MAB21L4: variants seen among roughly 807,000 people sequenced by gnomAD.
MAB21L4 encodes the protein protein mab-21-like 4.
A neutral mutation model predicts 32.4 loss-of-function variants in MAB21L4; 25 were observed. That is an observed-to-expected ratio of 0.77 (90% CI 0.56 to 1.08). The LOEUF is 1.08. Among genes scored for constraint, MAB21L4 ranks in the 50% least tolerant of loss-of-function variants. The pLI, the probability that MAB21L4 is intolerant of heterozygous loss-of-function variation, is 0.00. For missense variants in MAB21L4, 638 were observed against 611.0 expected (o/e 1.04, Z -0.47); for synonymous variants, 280 against 276.8 (o/e 1.01, Z -0.11).
intron 2 of MAB21L4, among the ~76,000 whole-genome samples, chr2:240,890,786 T>C (rs2059138954): frequency 6.6e-6 from 1 of 152,222 alleles, no homozygotes; most frequent in Admixed American, 6.5e-5. Context: ...AAAATGATTC[T>C]GCCCAGCCCA....
chr2:240,894,275 C>T (rs975200318), intron 1 of MAB21L4, among the ~76,000 whole-genome samples: 3 of 152,040 alleles, frequency 2.0e-5, no homozygotes, highest in East Asian at 3.9e-4. Flanking sequence ...GGAGGTGACT[C>T]GAGGCAACAA....
In MAB21L4 at chr2:240,891,699, G is replaced by A; in HGVS notation, c.579C>T (p.Gly193=). 1.2e-6 allele frequency: 2 copies of A among 1,609,996 alleles called. No individual in the cohort carries two copies. The highest frequency in any genetic ancestry group is 1.7e-6 in the Non-Finnish European group (2 of 1,179,958). ...CCACGTGGAAGCTGATTGTTCTCCA[G>A]CCGCTGGACACCAGCAAGGACAGGT... ...QLHLSLLVSS[G]WRTISFHVVP... Residue 193 remains glycine, a synonymous_variant, in exon 2 of 5, where the codon GGC becomes GGT. Coordinates refer to ENST00000388934, the MANE Select transcript of MAB21L4 (RefSeq NM_001085437.3).
chr2:240,895,974 G>T lies in MAB21L4; in HGVS notation c.24C>A (p.Thr8=). ...GGGGCACCTGCACGGCCATGGCTGA[G>T]GTGGGGAGAGCAGGGGCAGGCATCC... The part of the protein sequence containing the change: MPAPALP[T]SAMAVQVPLW... The change falls in exon 1 of 5, where the codon ACC becomes ACA. Residue 8 remains threonine (T), a synonymous_variant. Transcript: ENST00000388934. The T allele has an allele frequency of 6.8e-7, 1 of 1,464,272 alleles. No individual in the cohort carries two copies. 90.7% of individuals were successfully genotyped at this position (1,464,272 alleles called of 1,614,324 possible). A position where few individuals can be genotyped will look rare whatever the true frequency, so the allele number is the denominator to read the frequency against.
At chr2:240,892,862 C>A (rs1197284066) in intron 1 of MAB21L4, among the ~76,000 whole-genome samples, 3 of 152,200 alleles carry the variant, frequency 2.0e-5, no homozygotes, top group Admixed American at 1.3e-4. Flanking sequence ...CCCTGGAGGG[C>A]CTGTTCCAGG....
rs2059184994 is a variant in MAB21L4 at position 240,896,012 on chromosome 2, C to T, written c.-15G>A. On this transcript the variant is annotated 5_prime_UTR_variant, in exon 1 of 5. Transcript: ENST00000388934. ...GGGGCAGGCATCCCTTCAACAGTGG[C>T]AGGTGAGGGCCAGTGGCCCCTGAGG... 2 of 1,432,614 alleles carry T rather than the reference C, an allele frequency of 1.4e-6. No homozygotes were observed. The highest frequency in any genetic ancestry group is 1.8e-6 in the Non-Finnish European group (2 of 1,097,812). The allele number at this position is 1,432,614 out of a possible 1,614,324, so 88.7% of individuals were successfully genotyped here. A position where few individuals can be genotyped will look rare whatever the true frequency, so the allele number is the denominator to read the frequency against.
intron 2 of MAB21L4, among the ~76,000 whole-genome samples, chr2:240,890,763 C>A (rs866809788): frequency 1.3e-5 from 2 of 152,232 alleles, no homozygotes; most frequent in African/African-American, 4.8e-5. Context: ...TGTCATTTTC[C>A]CATTTACTTG....
At chr2:240,888,709 C>A in intron 3 of MAB21L4, 61 bp from the exon 4 acceptor site, 1 of 1,240,632 alleles carries the variant, frequency 8.1e-7, no homozygotes, top group Non-Finnish European at 1.1e-6. Context: ...TGTGCTCCCA[C>A]CCTGCGCTCC....
Position 240,894,978 on chromosome 2 carries a change from G to A in MAB21L4, c.514+506C>T, listed in dbSNP as rs1274592200. Among the ~76,000 whole-genome samples the A allele has an allele frequency of 4.6e-5, 7 of 152,294 alleles. 1 individual carries two copies. The South Asian group carries it at 1.0e-3, about 23-fold the overall frequency. The stretch of plus-strand genomic sequence containing the variant: ...ACACCCCTGCACTCACGCGCACGCA[G>A]GCAGGCACACACACACCCCTCCCAC... On this transcript the variant is annotated intron_variant, in intron 1 of 4. Transcript: ENST00000388934.
At position 240,891,752 on chromosome 2, in the gene MAB21L4, C is replaced by T. The variant is rs758318525; in HGVS notation, c.526G>A (p.Ala176Thr). The change falls in exon 2 of 5, where the codon GCG becomes ACG. Residue 176 changes from alanine to threonine, a missense_variant. By Grantham distance (58) the Ala-to-Thr change is moderately conservative. Transcript: ENST00000388934. ...AGCTGCTCCTCCCTCAGGCTGGCCG[C>T]GTTCAGCGAACCTGCAAAGACCCAA... ...HSLIAPGSLN[A>T]ASLREEQLHL... 6.2e-6 allele frequency: 10 copies of T among 1,608,170 alleles called. No individual in the cohort carries two copies. The highest frequency in any genetic ancestry group is 1.6e-4 in the Middle Eastern group (1 of 6,070).
At position 240,895,939 on chromosome 2, in the gene MAB21L4, T is replaced by C; in HGVS notation, c.59A>G (p.His20Arg). 6.7e-7 allele frequency: 1 copy of C among 1,496,014 alleles called. No individual in the cohort carries two copies. Among genetic ancestry groups the C allele is most frequent in the Non-Finnish European group, 8.9e-7 (1 of 1,125,704 alleles). The allele number at this position is 1,496,014 out of a possible 1,614,324, so 92.7% of individuals were successfully genotyped here. ...CCGGGACCGGATGGCCTGCAGGTAG[T>C]GGTGCCACAGGGGCACCTGCACGGC... ...AMAVQVPLWH[H>R]YLQAIRSREA... The change falls in exon 1 of 5, where the codon CAC becomes CGC. Residue 20 changes from histidine to arginine, a missense_variant. Transcript: ENST00000388934.
chr2:240,896,207 T>G, upstream of MAB21L4: 26 of 1,122,274 alleles, frequency 2.3e-5, no homozygotes, highest in South Asian at 4.0e-5. Flanking sequence ...TGGGGGTGAG[T>G]CAGTCCCCAG....
At chr2:240,892,623 C>G (rs1053088806) in intron 1 of MAB21L4, among the ~76,000 whole-genome samples, 1 of 151,254 alleles carries the variant, frequency 6.6e-6, no homozygotes, top group Non-Finnish European at 1.5e-5. Context: ...CTCAGCCACC[C>G]CCGTTTCTGG....
intron 1 of MAB21L4, 140 bp downstream of exon 1, chr2:240,895,344 A>G: frequency 1.3e-6 from 1 of 781,488 alleles, no homozygotes; most frequent in Non-Finnish European, 2.0e-6. Flanking sequence ...GCGTGCAGTC[A>G]CACACAGAAG....
In MAB21L4 at chr2:240,888,461, C is replaced by T. The variant is rs373590655; in HGVS notation, c.1082G>A (p.Arg361His). 55 of 1,585,892 alleles carry T rather than the reference C, an allele frequency of 3.5e-5. No individual in the cohort carries two copies. The highest frequency in any genetic ancestry group is 1.7e-4 in the South Asian group (15 of 87,894). ...SGLDLGAIYQ[R>H]VEGFASQPEA... ...GGGCTGGCTGGCGAAGCCCTCCACG[C>T]GCTGGTAGATGGCACCAAGGTCCAG... is the stretch of plus-strand genomic sequence containing the variant. The change falls in exon 4 of 5, where the codon CGC becomes CAC. Residue 361 changes from arginine (R) to histidine (H), a missense_variant. By Grantham distance (29) the Arg-to-His change is conservative. Transcript: ENST00000388934.
At chr2:240,893,407 C>G (rs1438129173) in intron 1 of MAB21L4, among the ~76,000 whole-genome samples, 1 of 152,194 alleles carries the variant, frequency 6.6e-6, no homozygotes, top group African/African-American at 2.4e-5. Flanking sequence ...GAAGGAGGGC[C>G]CCCCCATGCA....
chr2:240,892,489 C>CAGGCCCAGGCTG (rs2059158855), intron 1 of MAB21L4, among the ~76,000 whole-genome samples: 1 of 152,200 alleles, frequency 6.6e-6, no homozygotes, highest in Non-Finnish European at 1.5e-5. Flanking sequence ...GAGAGAGGGA[C>CAGGCCCAGGCTG]AGGCCCAGGC....
chr2:240,889,795 C>T (rs2059127873), intron 3 of MAB21L4, among the ~76,000 whole-genome samples: 1 of 152,226 alleles, frequency 6.6e-6, no homozygotes, highest in Non-Finnish European at 1.5e-5. Context: ...CAGCCTGCGG[C>T]ACCACGGCAC....
Position 240,888,141 on chromosome 2 carries a change from C to CGG in MAB21L4, c.1251+150_1251+151insCC. 3 of 646,586 alleles carry CGG rather than the reference C, an allele frequency of 4.6e-6. No individual in the cohort carries two copies. The South Asian group carries it at 6.4e-5, about 14-fold the overall frequency. The allele number at this position is 646,586 out of a possible 1,614,324, so 40.1% of individuals were successfully genotyped here. A position where few individuals can be genotyped will look rare whatever the true frequency, so the allele number is the denominator to read the frequency against. On this transcript the variant is annotated intron_variant, in intron 4 of 4. Coordinates refer to ENST00000388934, the MANE Select transcript of MAB21L4 (RefSeq NM_001085437.3). ...GTGTGACCCCCAGACATCACATGTCCCCGCAGACGCTCTCCATCCGAGCCC... is the reference window on the plus strand; with the variant it reads ...GTGTGACCCCCAGACATCACATGTCCGGCCGCAGACGCTCTCCATCCGAGCCC...
chr2:240,889,485 T>C (rs1334659420), intron 3 of MAB21L4, among the ~76,000 whole-genome samples: 8 of 152,074 alleles, frequency 5.3e-5, no homozygotes, highest in Non-Finnish European at 1.2e-4. Context: ...TTGGGGTGGG[T>C]TGGAATCCCT....
Sources: gnomAD v4.1 joint callset for allele counts (sites outside exome capture counted in the v4.1 genomes callset) on GRCh38, gnomAD v4.1.1 for gene constraint, MANE v1.5 for transcripts, NCBI Gene and HGNC (gene_info 2026-07-23, HGNC 2026-07-21) for gene names.